Variants in MRTFB observed in about 807,000 individuals in gnomAD.
MRTFB encodes myocardin-related transcription factor B.
Under a neutral mutation model 104.2 loss-of-function variants are expected in MRTFB, and 29 were observed. The ratio of observed to expected loss-of-function variants is 0.28; its 90% CI spans 0.21 to 0.38. The LOEUF is 0.38. MRTFB is among the 10% of genes least tolerant of loss of function. The pLI is 1.00. For missense variants in MRTFB, 1,270 were observed against 1,341.6 expected, an observed-to-expected ratio of 0.95 and a Z score of 0.83; for synonymous variants, 535 against 519.5, an observed-to-expected ratio of 1.03 and a Z score of -0.41.
At chr16:14,166,097 A>C (rs2039227150) in intron 3 of MRTFB, among the ~76,000 whole-genome samples, 1 of 152,230 alleles carries the variant, frequency 6.6e-6, no homozygotes, top group African/African-American at 2.4e-5. Flanking sequence ...TGTGCATGTC[A>C]ATCTTATTGT....
intron 2 of MRTFB, among the ~76,000 whole-genome samples, chr16:14,093,206 ATTTATAT>A (rs2035180873): frequency 6.6e-6 from 1 of 151,742 alleles, no homozygotes; most frequent in Non-Finnish European, 1.5e-5. Flanking sequence ...GCACAGTTGT[ATTTATAT>A]AAAGAGTGAT....
the MRTFB span, among the ~76,000 whole-genome samples, chr16:14,039,760 C>CTTTTT: frequency 1.6e-5 from 2 of 121,940 alleles, no homozygotes; most frequent in Non-Finnish European, 3.4e-5. Context: ...ATAATATGTT[C>CTTTTT]TTTTTTTTTT....
intron 2 of MRTFB, among the ~76,000 whole-genome samples, chr16:14,095,910 G>A (rs2035336023): frequency 6.6e-6 from 1 of 152,170 alleles, no homozygotes; most frequent in South Asian, 2.1e-4. Flanking sequence ...TACAAGTAGT[G>A]TCTAATGTAG....
chr16:14,092,666 A>G (rs1162899639), intron 2 of MRTFB: 2 of 152,138 alleles, frequency 1.3e-5, no homozygotes, highest in East Asian at 3.8e-4. Context: ...GACAGATTCT[A>G]TTTCCTTTTT....
chr16:14,232,792 G>C (rs551222501), intron 8 of MRTFB, among the ~76,000 whole-genome samples: 1 of 152,286 alleles, frequency 6.6e-6, no homozygotes, highest in East Asian at 1.9e-4. Flanking sequence ...TATGTGCCAA[G>C]CTTCATATTT....
the MRTFB span, among the ~76,000 whole-genome samples, chr16:14,048,955 G>A: frequency 5.9e-5 from 9 of 152,180 alleles, no homozygotes; most frequent in Non-Finnish European, 8.8e-5. Flanking sequence ...CCAAGCTCCT[G>A]TCAATTACAC....
chr16:14,227,085 T>G (rs2042037844), intron 8 of MRTFB, among the ~76,000 whole-genome samples: 1 of 152,010 alleles, frequency 6.6e-6, no homozygotes, highest in Non-Finnish European at 1.5e-5. Flanking sequence ...ATCATATATC[T>G]TATAAGGATT....
At chr16:14,073,288 C>G (rs1313480950) in intron 1 of MRTFB, among the ~76,000 whole-genome samples, 1 of 152,178 alleles carries the variant, frequency 6.6e-6, no homozygotes, top group Non-Finnish European at 1.5e-5. Context: ...TGTGTGAAGT[C>G]TTTTAGATCC....
the MRTFB span, among the ~76,000 whole-genome samples, chr16:14,065,022 G>C: frequency 1.3e-5 from 2 of 152,138 alleles, no homozygotes; most frequent in African/African-American, 4.8e-5. Context: ...GATAGGAATA[G>C]CATTGATTCT....
intron 1 of MRTFB, among the ~76,000 whole-genome samples, chr16:14,074,737 C>A (rs934732325): frequency 6.6e-6 from 1 of 152,122 alleles, no homozygotes; most frequent in Non-Finnish European, 1.5e-5. Flanking sequence ...AAACTTGATT[C>A]AAAGGGTGAC....
chr16:13,994,860 G>A, the MRTFB span, among the ~76,000 whole-genome samples: 6 of 152,284 alleles, frequency 3.9e-5, no homozygotes, highest in East Asian at 5.8e-4. Context: ...GAGACGACCC[G>A]TAAACCCCTT....
intron 8 of MRTFB, among the ~76,000 whole-genome samples, chr16:14,221,688 A>G (rs1369657416): frequency 2.0e-5 from 3 of 152,022 alleles, no homozygotes; most frequent in Non-Finnish European, 4.4e-5. Context: ...AACTCATTGT[A>G]AGAGTTTGAT....
intron 3 of MRTFB, among the ~76,000 whole-genome samples, chr16:14,188,159 C>G (rs963754756): frequency 6.6e-6 from 1 of 152,308 alleles, no homozygotes; most frequent in Admixed American, 6.5e-5. Context: ...TTGCTAGGAA[C>G]CAAACAATGG....
intron 15 of MRTFB, among the ~76,000 whole-genome samples, chr16:14,253,346 C>G (rs112259154): frequency 0.04 from 6,056 of 152,258 alleles, 163 homozygotes; most frequent in Middle Eastern, 0.078. Flanking sequence ...AAGGTGGACA[C>G]CAAGAGACAA....
At chr16:14,186,402 A>G (rs1489819134) in intron 3 of MRTFB, among the ~76,000 whole-genome samples, 2 of 152,224 alleles carry the variant, frequency 1.3e-5, no homozygotes, top group Non-Finnish European at 2.9e-5. Flanking sequence ...TTGTCTGGTC[A>G]ATATAAAGTA....
chr16:14,058,922 G>A, the MRTFB span, among the ~76,000 whole-genome samples: 1 of 151,858 alleles, frequency 6.6e-6, no homozygotes. Context: ...GTTTTGCCAT[G>A]TTGGCCAGGC....
intron 3 of MRTFB, among the ~76,000 whole-genome samples, chr16:14,154,855 A>T (rs570635800): frequency 6.6e-6 from 1 of 152,246 alleles, no homozygotes; most frequent in Non-Finnish European, 1.5e-5. Flanking sequence ...TCTCTCTGAC[A>T]TGACAGTTTT....
intron 3 of MRTFB, among the ~76,000 whole-genome samples, chr16:14,207,241 A>G (rs2040989879): frequency 6.6e-6 from 1 of 152,186 alleles, no homozygotes; most frequent in Admixed American, 6.6e-5. Flanking sequence ...AATTGGGGAA[A>G]TTATTCTCCT....
intron 8 of MRTFB, among the ~76,000 whole-genome samples, chr16:14,226,216 A>G (rs1228473578): frequency 6.6e-6 from 1 of 152,242 alleles, no homozygotes; most frequent in Admixed American, 6.5e-5. Flanking sequence ...TTGCAGAAAT[A>G]GAAAAATCTT....
Sources: gnomAD v4.1 joint callset for allele counts (sites outside exome capture counted in the v4.1 genomes callset) on GRCh38, gnomAD v4.1.1 for gene constraint, MANE v1.5 for transcripts, NCBI Gene and HGNC (gene_info 2026-07-23, HGNC 2026-07-21) for gene names.